The following RALYL variants were observed in gnomAD, a reference collection of about 807,000 sequenced individuals.
RALYL encodes RNA-binding Raly-like protein.
A neutral mutation model predicts 35.1 loss-of-function variants in RALYL; 29 were observed. The ratio of observed to expected loss-of-function variants is 0.83; its 90% CI spans 0.61 to 1.13. The LOEUF is 1.13. Among genes scored for constraint, RALYL ranks in the 50% most tolerant of loss-of-function variants. The probability of loss-of-function intolerance (pLI) is 0.00; values close to 1 mark genes in which losing one functional copy is unlikely to be tolerated. For synonymous variants in RALYL, 120 were observed against 127.6 expected, an observed-to-expected ratio of 0.94 and a Z score of 0.40; for missense variants, 359 against 360.4, an observed-to-expected ratio of 1.00 and a Z score of 0.03.
At chr8:84,814,667 C>G (rs1327285390) in intron 4 of RALYL, among the ~76,000 whole-genome samples, 1 of 152,074 alleles carries the variant, frequency 6.6e-6, no homozygotes, top group African/African-American at 2.4e-5. Flanking sequence ...AAGTTATTTC[C>G]TTACTGAGAA....
chr8:84,239,362 T>G (rs1315653533), intron 1 of RALYL, among the ~76,000 whole-genome samples: 1 of 152,182 alleles, frequency 6.6e-6, no homozygotes, highest in Admixed American at 6.5e-5. Flanking sequence ...AACCAGGAAA[T>G]GTAACAAAAT....
chr8:84,525,338 A>G (rs1450975284), intron 1 of RALYL, among the ~76,000 whole-genome samples: 3 of 152,082 alleles, frequency 2.0e-5, no homozygotes, highest in Non-Finnish European at 4.4e-5. Flanking sequence ...TAGTTGTAAC[A>G]TTTCTTTGAC....
chr8:84,908,409 T>C (rs1310212272), intron 8 of RALYL, among the ~76,000 whole-genome samples: 1 of 152,146 alleles, frequency 6.6e-6, no homozygotes, highest in African/African-American at 2.4e-5. Flanking sequence ...CTCTGCTTCC[T>C]ACCTCTGTTT....
intron 2 of RALYL, among the ~76,000 whole-genome samples, chr8:84,624,322 G>A (rs576678851): frequency 1.3e-5 from 2 of 152,318 alleles, no homozygotes; most frequent in East Asian, 1.9e-4. Flanking sequence ...GAAGCCTAAC[G>A]TGGGTTTTAC....
intron 1 of RALYL, among the ~76,000 whole-genome samples, chr8:84,522,743 A>G (rs2058563790): frequency 1.3e-5 from 2 of 152,310 alleles, no homozygotes; most frequent in South Asian, 4.1e-4. Context: ...TCAGCAGATT[A>G]TAACTTTTAG....
chr8:84,234,122 G>A (rs1314394132), intron 1 of RALYL, among the ~76,000 whole-genome samples: 1 of 152,120 alleles, frequency 6.6e-6, no homozygotes, highest in Non-Finnish European at 1.5e-5. Context: ...GGAAAAGCCA[G>A]ATAACTCCAA....
At chr8:84,352,490 C>T (rs1039377274) in intron 1 of RALYL, among the ~76,000 whole-genome samples, 1 of 150,078 alleles carries the variant, frequency 6.7e-6, no homozygotes, top group East Asian at 1.9e-4. Flanking sequence ...GAGTGTATAC[C>T]ACTTTTGTTC....
At chr8:84,221,283 G>A (rs1345753062) in intron 1 of RALYL, among the ~76,000 whole-genome samples, 2 of 127,554 alleles carry the variant, frequency 1.6e-5, no homozygotes, top group Non-Finnish European at 3.6e-5. Context: ...AAAATGGAAA[G>A]CGGGTGTGTG....
intron 3 of RALYL, among the ~76,000 whole-genome samples, chr8:84,789,417 A>C (rs1175592762): frequency 2.6e-5 from 4 of 152,248 alleles, no homozygotes; most frequent in Admixed American, 2.0e-4. Flanking sequence ...GTGAGAATTC[A>C]GGAAGAATTT....
At chr8:84,457,812 C>T (rs1299687488) in intron 1 of RALYL, among the ~76,000 whole-genome samples, 1 of 151,710 alleles carries the variant, frequency 6.6e-6, no homozygotes, top group African/African-American at 2.4e-5. Context: ...TAGAATAACT[C>T]CTCCTTTTTT....
intron 2 of RALYL, among the ~76,000 whole-genome samples, chr8:84,763,412 A>G (rs1177070229): frequency 6.6e-6 from 1 of 152,174 alleles, no homozygotes; most frequent in Non-Finnish European, 1.5e-5. Flanking sequence ...GGATGCAATG[A>G]AATTAATAGT....
At chr8:84,314,730 G>A (rs779976486) in intron 1 of RALYL, among the ~76,000 whole-genome samples, 20 of 152,040 alleles carry the variant, frequency 1.3e-4, no homozygotes, top group South Asian at 4.2e-4. Context: ...AGACCCCATC[G>A]TTAATCAGTC....
At chr8:84,538,130 CT>C (rs2059750568) in intron 2 of RALYL, among the ~76,000 whole-genome samples, 1 of 152,184 alleles carries the variant, frequency 6.6e-6, no homozygotes, top group Non-Finnish European at 1.5e-5. Context: ...AACTAACGGT[CT>C]GTCAGCCAGG....
At chr8:84,349,410 T>C (rs7010963) in intron 1 of RALYL, among the ~76,000 whole-genome samples, 88,461 of 149,544 alleles carry the variant, frequency 0.59, 28,617 homozygotes, top group African/African-American at 0.76. Flanking sequence ...TTTAAGAAAC[T>C]GAACAAGGGG....
Position 84,837,072 on chromosome 8 carries a change from G to A in RALYL, c.366-12908G>A, listed in dbSNP as rs112517080. On this transcript the variant is annotated intron_variant, in intron 4 of 8. Coordinates refer to ENST00000521268, the MANE Select transcript of RALYL (RefSeq NM_173848.7). Reference sequence around the variant, plus strand: ...CAAATGCCAGCTCTTTCATGAAGCCGTGTTTGATCCCTGTGTCTCACTCAC... The same window carrying A: ...CAAATGCCAGCTCTTTCATGAAGCCATGTTTGATCCCTGTGTCTCACTCAC... Among the ~76,000 whole-genome samples the A allele has an allele frequency of 9.5e-3, 1,453 of 152,208 alleles. 21 individuals carry two copies. The highest frequency in any genetic ancestry group is 0.041 in the Admixed American group (619 of 15,278).
intron 2 of RALYL, among the ~76,000 whole-genome samples, chr8:84,614,672 A>G (rs1564239464): frequency 6.6e-6 from 1 of 151,454 alleles, no homozygotes; most frequent in Non-Finnish European, 1.5e-5. Flanking sequence ...CCTTTGCACC[A>G]ACCTACTAGT....
At chr8:84,884,814 T>C (rs920206297) in intron 7 of RALYL, among the ~76,000 whole-genome samples, 17 of 152,086 alleles carry the variant, frequency 1.1e-4, no homozygotes, top group African/African-American at 3.9e-4. Context: ...CAAATTTCTA[T>C]TTCTCTCTCT....
At chr8:84,715,481 A>T (rs899915006) in intron 2 of RALYL, among the ~76,000 whole-genome samples, 12 of 151,984 alleles carry the variant, frequency 7.9e-5, no homozygotes, top group African/African-American at 2.9e-4. Flanking sequence ...TAACTTTAAA[A>T]AGCAAAATAT....
chr8:84,899,401 G>A (rs1845293036), intron 8 of RALYL, among the ~76,000 whole-genome samples: 1 of 151,974 alleles, frequency 6.6e-6, no homozygotes, highest in South Asian at 2.1e-4. Context: ...CTTAGCATAT[G>A]TTAATGTTCA....
Sources: allele counts gnomAD v4.1 joint callset (sites outside exome capture counted in the v4.1 genomes callset), GRCh38; gene constraint gnomAD v4.1.1; transcripts MANE v1.5; gene names NCBI Gene and HGNC (gene_info 2026-07-23, HGNC 2026-07-21).